AP3S2: variants seen among roughly 807,000 people sequenced by gnomAD.
AP3S2 encodes the protein AP-3 complex subunit sigma-2.
AP3S2 carries 22 observed loss-of-function variants against 23.4 expected under a neutral mutation model. The ratio of observed to expected loss-of-function variants is 0.94; its 90% CI spans 0.67 to 1.34. AP3S2 has a LOEUF of 1.34. Ranked by LOEUF, AP3S2 falls within the 40% of genes most tolerant of loss-of-function variation. The pLI is 0.00. For missense variants in AP3S2, 241 were observed against 236.9 expected (o/e 1.02, Z -0.11); for synonymous variants, 86 against 87.1 (o/e 0.99, Z 0.07).
chr15:89,850,703 TC>T, intron 4 of AP3S2: 1 of 142,302 alleles, frequency 7.0e-6, no homozygotes, highest in Middle Eastern at 9.2e-4. Context: ...TTCAAGGCAT[TC>T]ACTGATTTTT....
At chr15:89,888,816 C>T (rs1242996221) in intron 2 of AP3S2, among the ~76,000 whole-genome samples, 184 bp from the exon 3 acceptor site, 2 of 152,202 alleles carry the variant, frequency 1.3e-5, no homozygotes, top group Non-Finnish European at 2.9e-5. Context: ...CCTTACCTCA[C>T]CTCTTCTCCT....
At chr15:89,891,082 C>T (rs1896809916) in intron 1 of AP3S2, among the ~76,000 whole-genome samples, 1 of 152,104 alleles carries the variant, frequency 6.6e-6, no homozygotes, top group South Asian at 2.1e-4. Flanking sequence ...TGAACTAAAG[C>T]CTTTTATCTG....
chr15:89,866,812 G>A (rs1209510187), intron 4 of AP3S2, among the ~76,000 whole-genome samples: 1 of 149,800 alleles, frequency 6.7e-6, no homozygotes, highest in African/African-American at 2.5e-5. Context: ...TACAGATTTC[G>A]TGGTGTCTAA....
At chr15:89,882,952 A>C (rs1896606849) in intron 3 of AP3S2, among the ~76,000 whole-genome samples, 1 of 152,052 alleles carries the variant, frequency 6.6e-6, no homozygotes. Context: ...ATTGCTCACC[A>C]CCTTTGGGAC....
At chr15:89,892,670 T>G (rs28731470) in intron 1 of AP3S2, among the ~76,000 whole-genome samples, 7,217 of 151,508 alleles carry the variant, frequency 0.048, 449 homozygotes, top group African/African-American at 0.14. Flanking sequence ...ATATACTTTT[T>G]TGTGTGTGTG....
At chr15:89,870,138 G>A (rs984579836) in intron 4 of AP3S2, among the ~76,000 whole-genome samples, 1 of 152,180 alleles carries the variant, frequency 6.6e-6, no homozygotes, top group Non-Finnish European at 1.5e-5. Flanking sequence ...ATACTTGAAA[G>A]GGACTCTAGT....
chr15:89,862,993 G>A (rs921086579), intron 4 of AP3S2, among the ~76,000 whole-genome samples: 5 of 152,052 alleles, frequency 3.3e-5, no homozygotes, highest in African/African-American at 1.2e-4. Flanking sequence ...GAAGAGAGAG[G>A]TGAGAGATGA....
At chr15:89,864,434 CAA>C (rs1260520250) in intron 4 of AP3S2, among the ~76,000 whole-genome samples, 4 of 152,156 alleles carry the variant, frequency 2.6e-5, no homozygotes, top group African/African-American at 9.7e-5. Flanking sequence ...CTTAACCTGA[CAA>C]TCTTTACCAA....
chr15:89,883,544 C>A (rs1164121820), intron 3 of AP3S2, among the ~76,000 whole-genome samples: 2 of 151,974 alleles, frequency 1.3e-5, no homozygotes, highest in Non-Finnish European at 2.9e-5. Context: ...CACAGGGGCA[C>A]ACCACCTGAT....
chr15:89,893,643 T>A, intron 1 of AP3S2: 4 of 490,984 alleles, frequency 8.1e-6, no homozygotes, highest in East Asian at 3.5e-5. Context: ...TGTCACAAAA[T>A]GGCACAGAAA....
intron 3 of AP3S2, chr15:89,877,394 A>G: frequency 7.7e-7 from 1 of 1,290,960 alleles, no homozygotes; most frequent in Non-Finnish European, 1.0e-6. Flanking sequence ...AGGGTGTTGC[A>G]CTGGCTTTTC....
At chr15:89,881,216 G>A (rs573779856) in intron 3 of AP3S2, among the ~76,000 whole-genome samples, 37 of 152,316 alleles carry the variant, frequency 2.4e-4, no homozygotes, top group Admixed American at 2.4e-3. Flanking sequence ...TGTATACGGT[G>A]AGGGGAGAGA....
At chr15:89,835,752 G>A in intron 5 of AP3S2, 109 bp from the exon 6 acceptor site, 2 of 1,460,430 alleles carry the variant, frequency 1.4e-6, no homozygotes, top group Admixed American at 2.4e-5. Context: ...AGCAGGATGG[G>A]TGTGGTGGCT....
intron 3 of AP3S2, among the ~76,000 whole-genome samples, chr15:89,881,324 T>C (rs1896565357): frequency 1.3e-5 from 2 of 152,166 alleles, no homozygotes; most frequent in African/African-American, 4.8e-5. Flanking sequence ...TAGAGTTTCT[T>C]CAACAAGGGG....
Position 89,833,103 on chromosome 15 carries a change from T to C in AP3S2, c.*2412A>G, listed in dbSNP as rs753670166. 1 of 152,224 alleles carries C rather than the reference T, an allele frequency of 6.6e-6. No homozygotes were observed. Among genetic ancestry groups the C allele is most frequent in the Non-Finnish European group, 1.5e-5 (1 of 68,046 alleles). The allele number at this position is 152,224 out of a possible 1,614,324, so 9.4% of individuals were successfully genotyped here. ...TAGCATAAGGGCTGTCCTGCAGTAA[T>C]GCATTAAACCACGTAACAAACGAAC... is the stretch of plus-strand genomic sequence containing the variant. On this transcript the variant is annotated 3_prime_UTR_variant, in exon 6 of 6. Coordinates refer to ENST00000336418, the MANE Select transcript of AP3S2 (RefSeq NM_005829.5).
At chr15:89,875,707 G>A (rs1026124970) in intron 3 of AP3S2, among the ~76,000 whole-genome samples, 7 of 152,180 alleles carry the variant, frequency 4.6e-5, no homozygotes, top group Non-Finnish European at 1.0e-4. Flanking sequence ...TCAGTACTTC[G>A]GAAGGCCAAG....
intron 4 of AP3S2, chr15:89,852,315 G>A (rs1030146218): frequency 1.3e-5 from 2 of 152,174 alleles, no homozygotes; most frequent in Non-Finnish European, 1.5e-5. Context: ...TAAGTACTCG[G>A]ATGTTGGTTA....
intron 3 of AP3S2, among the ~76,000 whole-genome samples, chr15:89,880,630 C>T (rs952660226): frequency 1.3e-5 from 2 of 150,168 alleles, no homozygotes; most frequent in Non-Finnish European, 1.5e-5. Flanking sequence ...GCCGAGATTG[C>T]GCCACCGCAC....
At chr15:89,883,250 T>C (rs1896613728) in intron 3 of AP3S2, among the ~76,000 whole-genome samples, 1 of 152,160 alleles carries the variant, frequency 6.6e-6, no homozygotes, top group Non-Finnish European at 1.5e-5. Flanking sequence ...TACTTATAAT[T>C]CTTTAAAAAT....
Sources: gnomAD v4.1 joint callset for allele counts (sites outside exome capture counted in the v4.1 genomes callset) on GRCh38, gnomAD v4.1.1 for gene constraint, MANE v1.5 for transcripts, NCBI Gene and HGNC (gene_info 2026-07-23, HGNC 2026-07-21) for gene names.